FNBP1: variants seen among roughly 807,000 people sequenced by gnomAD.
FNBP1 encodes formin-binding protein 1.
Under a neutral mutation model 90.6 loss-of-function variants are expected in FNBP1, and 26 were observed. The ratio of observed to expected loss-of-function variants is 0.29; its 90% CI spans 0.21 to 0.40. The LOEUF is 0.40. Among genes scored for constraint, FNBP1 ranks in the 10% least tolerant of loss-of-function variants. FNBP1 has a pLI of 1.00. For synonymous variants in FNBP1, 260 were observed against 265.2 expected (o/e 0.98, Z 0.19); for missense variants, 635 against 768.0 (o/e 0.83, Z 2.05).
chr9:130,018,073 C>G (rs975045761), intron 1 of FNBP1, among the ~76,000 whole-genome samples: 1 of 151,152 alleles, frequency 6.6e-6, no homozygotes, highest in African/African-American at 2.4e-5. Context: ...GCCACCACGC[C>G]TGGCTAATTT....
chr9:129,982,470 C>CA (rs1056658794), intron 2 of FNBP1, among the ~76,000 whole-genome samples: 2 of 148,956 alleles, frequency 1.3e-5, no homozygotes, highest in Non-Finnish European at 3.0e-5. Flanking sequence ...GACTCCATCT[C>CA]AAAAAAAGAA....
chr9:129,920,359 T>G (rs1171656165), intron 10 of FNBP1, among the ~76,000 whole-genome samples: 1 of 152,150 alleles, frequency 6.6e-6, no homozygotes, highest in East Asian at 1.9e-4. Context: ...TGGAATGCAG[T>G]GGCATGATCT....
rs1422173965 is a variant in FNBP1 at position 129,925,244 on chromosome 9, T to C, written c.790-87A>G. The C allele has an allele frequency of 2.3e-4, 239 of 1,054,998 alleles. No homozygotes were observed. The South Asian group carries it at 3.0e-3, about 13-fold the overall frequency. 65.4% of individuals were successfully genotyped at this position (1,054,998 alleles called of 1,614,324 possible). A position where few individuals can be genotyped will look rare whatever the true frequency, so the allele number is the denominator to read the frequency against. On this transcript the variant is annotated intron_variant, in intron 8 of 16. Transcript: ENST00000446176. Reference sequence around the variant, plus strand: ...TGAATTGGCCAGGTGCGGTGGCTCATGCCTGTAATCCCAGCACTCTGGGAG... The same window carrying C: ...TGAATTGGCCAGGTGCGGTGGCTCACGCCTGTAATCCCAGCACTCTGGGAG...
chr9:130,042,983 G>C lies in FNBP1; in HGVS notation c.-8C>G. On this transcript the variant is annotated 5_prime_UTR_variant, in exon 1 of 17. Coordinates refer to ENST00000446176, the MANE Select transcript of FNBP1 (RefSeq NM_015033.3). The surrounding 1 kb of genome is among the most constrained non-coding windows in gnomAD (Gnocchi z 5.5). ...CTCGGTGCCCCAGCTCATGGTGCAGGGGACGCGAAGGGGCGCTCCGCGCGG... is the reference window on the plus strand; with the variant it reads ...CTCGGTGCCCCAGCTCATGGTGCAGCGGACGCGAAGGGGCGCTCCGCGCGG... The C allele has an allele frequency of 8.2e-7, 1 of 1,225,548 alleles. No individual in the cohort carries two copies. The highest frequency in any genetic ancestry group is 3.2e-5 in the East Asian group (1 of 31,292). 75.9% of individuals were successfully genotyped at this position (1,225,548 alleles called of 1,614,324 possible).
intron 1 of FNBP1, among the ~76,000 whole-genome samples, chr9:130,029,853 G>C (rs2058655193): frequency 6.6e-6 from 1 of 151,900 alleles, no homozygotes; most frequent in Admixed American, 6.6e-5. Context: ...GTGTGGTGTT[G>C]CCGGCCTGTA....
At chr9:129,940,058 G>C (rs935064912) in intron 6 of FNBP1, among the ~76,000 whole-genome samples, 1 of 151,960 alleles carries the variant, frequency 6.6e-6, no homozygotes, top group African/African-American at 2.4e-5. Context: ...AAAATAAGCA[G>C]GGCATGGTGG....
rs900215306 is a variant in FNBP1, at chr9:129,966,137, T to G, written c.346-7584A>C. 6.6e-6 allele frequency among the ~76,000 whole-genome samples: 1 copy of G among 151,982 alleles called. No individual in the cohort carries two copies. The highest frequency in any genetic ancestry group is 2.4e-5 in the African/African-American group (1 of 41,366). On this transcript the variant is annotated intron_variant, in intron 4 of 16. Coordinates refer to ENST00000446176, the MANE Select transcript of FNBP1 (RefSeq NM_015033.3). The surrounding 1 kb of genome is among the most constrained non-coding windows in gnomAD (Gnocchi z 4.3). ...AAGTAAGACAAACAGGGTAAAGGAATAAGGAGGGATGGGTGTAGGTGAAGG... is the reference window on the plus strand; with the variant it reads ...AAGTAAGACAAACAGGGTAAAGGAAGAAGGAGGGATGGGTGTAGGTGAAGG...
chr9:129,969,425 T>A (rs2049095353), intron 4 of FNBP1, among the ~76,000 whole-genome samples: 1 of 152,176 alleles, frequency 6.6e-6, no homozygotes, highest in Non-Finnish European at 1.5e-5. Context: ...AGTAAAGAGT[T>A]TACTGCTGTA....
At chr9:129,943,294 G>A (rs115046382) in intron 6 of FNBP1, among the ~76,000 whole-genome samples, 264 of 151,636 alleles carry the variant, frequency 1.7e-3, no homozygotes, top group African/African-American at 6.2e-3. Context: ...AAAGGACCAG[G>A]TGATTTCATA....
chr9:129,888,076 T>C lies in FNBP1; in HGVS notation c.*2463A>G, dbSNP rs1361592008. 1 of 232,458 alleles carries C rather than the reference T, an allele frequency of 4.3e-6. No individual in the cohort carries two copies. Among genetic ancestry groups the C allele is most frequent in the Non-Finnish European group, 8.5e-6 (1 of 117,608 alleles). 14.4% of individuals were successfully genotyped at this position (232,458 alleles called of 1,614,324 possible). ...TTTAAGAGCACTCGCTATAACATTCTTTTTGGACGCAGGTGGTGGAAAAGT... is the reference window on the plus strand; with the variant it reads ...TTTAAGAGCACTCGCTATAACATTCCTTTTGGACGCAGGTGGTGGAAAAGT... On this transcript the variant is annotated 3_prime_UTR_variant, in exon 17 of 17. Transcript: ENST00000446176.
chr9:129,987,320 C>G (rs1165014018), intron 2 of FNBP1, among the ~76,000 whole-genome samples: 2 of 152,010 alleles, frequency 1.3e-5, no homozygotes, highest in African/African-American at 4.8e-5. Flanking sequence ...TGAGATGACT[C>G]TACGTTCAAA....
chr9:130,034,329 A>C (rs1450126615), intron 1 of FNBP1, among the ~76,000 whole-genome samples: 4 of 129,256 alleles, frequency 3.1e-5, no homozygotes, highest in African/African-American at 1.1e-4. Context: ...AAAAAAAAAA[A>C]CAAGTTGGTC....
rs2034914203 is a variant in FNBP1 at position 129,889,159 on chromosome 9, T to C, written c.*1380A>G. On this transcript the variant is annotated 3_prime_UTR_variant, in exon 17 of 17. Transcript: ENST00000446176. Reference sequence around the variant, plus strand: ...ACCCACACAGGGAAAGAAACTTGGCTCTAAAAGCAAACTCAACGAATTCCA... The same window carrying C: ...ACCCACACAGGGAAAGAAACTTGGCCCTAAAAGCAAACTCAACGAATTCCA... 2 of 217,406 alleles carry C rather than the reference T, an allele frequency of 9.2e-6. No individual in the cohort carries two copies. Among genetic ancestry groups the C allele is most frequent in the Non-Finnish European group, 1.8e-5 (2 of 108,240 alleles). 13.5% of individuals were successfully genotyped at this position (217,406 alleles called of 1,614,324 possible). A position where few individuals can be genotyped will look rare whatever the true frequency, so the allele number is the denominator to read the frequency against.
At chr9:129,955,936 CTTATT>C (rs1463085623) in intron 6 of FNBP1, among the ~76,000 whole-genome samples, 2 of 151,738 alleles carry the variant, frequency 1.3e-5, no homozygotes, top group African/African-American at 4.8e-5. Flanking sequence ...GCTAATCTAA[CTTATT>C]TTAATTGAAT....
At chr9:129,921,438 G>A (rs2041083514) in intron 10 of FNBP1, among the ~76,000 whole-genome samples, 1 of 151,202 alleles carries the variant, frequency 6.6e-6, no homozygotes, top group Non-Finnish European at 1.5e-5. Context: ...CTGTCGTCCA[G>A]GCTGGAGTGC....
intron 12 of FNBP1, among the ~76,000 whole-genome samples, chr9:129,907,426 G>A (rs2038311625): frequency 6.6e-6 from 1 of 152,190 alleles, no homozygotes; most frequent in Non-Finnish European, 1.5e-5. Flanking sequence ...GATAGAGCCA[G>A]ATTTGACCCC....
intron 2 of FNBP1, 112 bp downstream of exon 2, chr9:129,994,731 T>C (rs1054102333): frequency 2.1e-6 from 1 of 468,522 alleles, no homozygotes; most frequent in Admixed American, 4.0e-5. Flanking sequence ...AAATATTACC[T>C]TACATAAAAG....
At chr9:129,975,789 G>A (rs2050208082) in intron 4 of FNBP1, among the ~76,000 whole-genome samples, 1 of 151,430 alleles carries the variant, frequency 6.6e-6, no homozygotes, top group Non-Finnish European at 1.5e-5. Context: ...TGTAATCCCA[G>A]CTACTTGGGA....
Position 129,987,363 on chromosome 9 carries a change from G to A in FNBP1, c.140+7480C>T, listed in dbSNP as rs144056022. On this transcript the variant is annotated intron_variant, in intron 2 of 16. Transcript: ENST00000446176. The stretch of plus-strand genomic sequence containing the variant: ...CCACGACAAATCAACTGAGGGCCTC[G>A]GGTTTCAGAACCCAGTCATATAACT... Among the ~76,000 whole-genome samples, 190 of 152,020 alleles carry A rather than the reference G, an allele frequency of 1.2e-3. 1 individual carries two copies. The highest frequency in any genetic ancestry group is 2.3e-3 in the South Asian group (11 of 4,824).
Sources: gnomAD v4.1 joint callset for allele counts (sites outside exome capture counted in the v4.1 genomes callset) on GRCh38, gnomAD v4.1.1 for gene constraint, Gnocchi (gnomAD v3.1) non-coding constraint, MANE v1.5 for transcripts, NCBI Gene and HGNC (gene_info 2026-07-23, HGNC 2026-07-21) for gene names.